PARD6B: variants seen among roughly 807,000 people sequenced by gnomAD.
PARD6B encodes partitioning defective 6 homolog beta.
In PARD6B, 4 loss-of-function variants were observed where a neutral mutation model predicts 10.5. That is an observed-to-expected ratio of 0.38 (90% CI 0.19 to 0.87). PARD6B has a LOEUF of 0.87. Ranked by LOEUF, PARD6B falls within the 40% of genes least tolerant of loss-of-function variation. The pLI is 0.41. For synonymous variants in PARD6B, 169 were observed against 170.4 expected, an observed-to-expected ratio of 0.99 and a Z score of 0.07; for missense variants, 396 against 470.6, an observed-to-expected ratio of 0.84 and a Z score of 1.47.
intron 1 of PARD6B, among the ~76,000 whole-genome samples, chr20:50,732,471 A>C (rs2087476993): frequency 6.6e-6 from 1 of 152,168 alleles, no homozygotes; most frequent in South Asian, 2.1e-4. Flanking sequence ...TACTCACATC[A>C]AGTGCTTTTC....
intron 2 of PARD6B, among the ~76,000 whole-genome samples, chr20:50,741,002 C>A (rs2087527288): frequency 1.3e-5 from 2 of 151,010 alleles, no homozygotes. Context: ...GCTCTGTCAC[C>A]CAGGCTGGAG....
At chr20:50,737,218 G>A (rs970996635) in intron 1 of PARD6B, among the ~76,000 whole-genome samples, 2 of 152,144 alleles carry the variant, frequency 1.3e-5, no homozygotes, top group Non-Finnish European at 2.9e-5. Context: ...GAGCAGGCTC[G>A]AGGCTTTCAA....
Position 50,749,896 on chromosome 20 carries a change from G to A in PARD6B, c.527G>A (p.Gly176Asp), listed in dbSNP as rs774737350. ...CCCCTAGGATTCTACATCCGGGATG[G>A]CTCCAGTGTCAGGGTAACACCACAT... The part of the protein sequence containing the change: ...EKPLGFYIRD[G>D]SSVRVTPHGL... Residue 176 changes from glycine (G) to aspartate (D), a missense_variant, in exon 3 of 3, where the codon GGC becomes GAC. By Grantham distance (94) the Gly-to-Asp change is moderately conservative. Coordinates refer to ENST00000371610, the MANE Select transcript of PARD6B (RefSeq NM_032521.3). 1 of 1,614,158 alleles carries A rather than the reference G, an allele frequency of 6.2e-7. No homozygotes were observed.
intron 1 of PARD6B, among the ~76,000 whole-genome samples, chr20:50,736,506 T>C (rs137957488): frequency 6.6e-6 from 1 of 152,354 alleles, no homozygotes; most frequent in African/African-American, 2.4e-5. Context: ...TTTAAAGTGC[T>C]GGTCTCCGCA....
At chr20:50,746,231 A>C (rs1170686955) in intron 2 of PARD6B, among the ~76,000 whole-genome samples, 1 of 152,188 alleles carries the variant, frequency 6.6e-6, no homozygotes, top group Non-Finnish European at 1.5e-5. Context: ...ATTAATGTTT[A>C]AAGAGTAAGA....
chr20:50,751,765 C>A lies in PARD6B; in HGVS notation c.*1277C>A. The A allele has an allele frequency of 1.0e-6, 1 of 976,736 alleles. No individual in the cohort carries two copies. The highest frequency in any genetic ancestry group is 1.2e-6 in the Non-Finnish European group (1 of 825,772). 60.5% of individuals were successfully genotyped at this position (976,736 alleles called of 1,614,324 possible). A position where few individuals can be genotyped will look rare whatever the true frequency, so the allele number is the denominator to read the frequency against. On this transcript the variant is annotated 3_prime_UTR_variant, in exon 3 of 3. Coordinates refer to ENST00000371610, the MANE Select transcript of PARD6B (RefSeq NM_032521.3). ...TGAGACAGAGTCTCTGTCACCCAGG[C>A]TGGAGTGCAGTGGTGCAATCTCAGC...
intron 2 of PARD6B, among the ~76,000 whole-genome samples, chr20:50,743,695 T>C (rs1460155575): frequency 2.6e-5 from 4 of 152,100 alleles, no homozygotes; most frequent in Non-Finnish European, 4.4e-5. Flanking sequence ...GAGACCATCC[T>C]GGCTAGCATG....
At position 50,744,653 on chromosome 20, in the gene PARD6B, C is replaced by T. The variant is rs548882087; in HGVS notation, c.290-5006C>T. 4.6e-5 allele frequency among the ~76,000 whole-genome samples: 7 copies of T among 152,086 alleles called. No individual in the cohort carries two copies. In the South Asian group the frequency reaches 1.5e-3, roughly 32 times the overall value. On this transcript the variant is annotated intron_variant, in intron 2 of 2. Coordinates refer to ENST00000371610, the MANE Select transcript of PARD6B (RefSeq NM_032521.3). Reference sequence around the variant, plus strand: ...CCTGACTCCCTCCCTCCCTCCCTCCCTCCTGCTTTTCACCCTCTGTTCTAG... The same window carrying T: ...CCTGACTCCCTCCCTCCCTCCCTCCTTCCTGCTTTTCACCCTCTGTTCTAG...
intron 1 of PARD6B, among the ~76,000 whole-genome samples, chr20:50,736,342 C>G (rs1173902007): frequency 6.6e-6 from 1 of 152,174 alleles, no homozygotes; most frequent in African/African-American, 2.4e-5. Flanking sequence ...AACAGTATTT[C>G]TCTTTTCCTT....
chr20:50,750,247 A>G lies in PARD6B; in HGVS notation c.878A>G (p.Glu293Gly). ...GAGCCAGAGGATGAAGACAGCGAAG[A>G]AGATGACATTATCATTGAAGACAAT... ...SFEPEDEDSE[E>G]DDIIIEDNGV... The change falls in exon 3 of 3, where the codon GAA becomes GGA. Residue 293 changes from glutamate to glycine, a missense_variant. By Grantham distance (98) the Glu-to-Gly change is moderately conservative. Transcript: ENST00000371610. 6.2e-7 allele frequency: 1 copy of G among 1,614,246 alleles called. No homozygotes were observed. The highest frequency in any genetic ancestry group is 1.1e-5 in the South Asian group (1 of 91,086).
Position 50,746,363 on chromosome 20 carries a change from C to T in PARD6B, c.290-3296C>T, listed in dbSNP as rs559838104. Among the ~76,000 whole-genome samples, 6 of 152,262 alleles carry T rather than the reference C, an allele frequency of 3.9e-5. No homozygotes were observed. In the East Asian group the frequency reaches 5.8e-4, roughly 15 times the overall value. On this transcript the variant is annotated intron_variant, in intron 2 of 2. Transcript: ENST00000371610. ...GTGGATCCTTGTCTGTTCAGTTAGCCGAGATCATTGGCTGAAGAAAAGGCT... is the reference window on the plus strand; with the variant it reads ...GTGGATCCTTGTCTGTTCAGTTAGCTGAGATCATTGGCTGAAGAAAAGGCT...
Position 50,752,515 on chromosome 20 carries a change from T to G in PARD6B, c.*2027T>G, listed in dbSNP as rs1005897997. 1.0e-6 allele frequency: 1 copy of G among 982,844 alleles called. No homozygotes were observed. Among genetic ancestry groups the G allele is most frequent in the African/African-American group, 1.8e-5 (1 of 56,234 alleles). The allele number at this position is 982,844 out of a possible 1,614,324, so 60.9% of individuals were successfully genotyped here. ...TAAGAGTAAGGCTGCTAACTTTAAT[T>G]CCTTGCCTGATTTTATTGTACAGTG... On this transcript the variant is annotated 3_prime_UTR_variant, in exon 3 of 3. Transcript: ENST00000371610.
chr20:50,739,758 G>A (rs2087520494), intron 2 of PARD6B, among the ~76,000 whole-genome samples: 1 of 151,748 alleles, frequency 6.6e-6, no homozygotes, highest in African/African-American at 2.4e-5. Context: ...ATGACCTTAG[G>A]AAGATTCAGT....
chr20:50,740,842 A>G (rs2087526387), intron 2 of PARD6B, among the ~76,000 whole-genome samples: 1 of 152,184 alleles, frequency 6.6e-6, no homozygotes, highest in South Asian at 2.1e-4. Flanking sequence ...CATTGCAACC[A>G]GAATAAAATC....
chr20:50,747,001 A>G (rs1174806237), intron 2 of PARD6B, among the ~76,000 whole-genome samples: 1 of 152,182 alleles, frequency 6.6e-6, no homozygotes, highest in Non-Finnish European at 1.5e-5. Flanking sequence ...TGTCTCTGTA[A>G]GAGCCCAATG....
chr20:50,745,356 G>A (rs532945144), intron 2 of PARD6B, among the ~76,000 whole-genome samples: 2 of 151,804 alleles, frequency 1.3e-5, no homozygotes, highest in East Asian at 1.9e-4. Context: ...CCCAGGAGGT[G>A]GAGGTTGCAG....
Position 50,750,521 on chromosome 20 carries a change from G to A in PARD6B, c.*33G>A, listed in dbSNP as rs201932178. On this transcript the variant is annotated 3_prime_UTR_variant, in exon 3 of 3. Transcript: ENST00000371610. ...GTTTGAATGTTTTCAGAGTGAGGAT[G>A]CCATGAGGACTTGTACATTTGGCTA... is the stretch of plus-strand genomic sequence containing the variant. 3 of 1,592,312 alleles carry A rather than the reference G, an allele frequency of 1.9e-6. No individual in the cohort carries two copies. The East Asian group carries it at 6.7e-5, about 36-fold the overall frequency.
Position 50,750,978 on chromosome 20 carries a change from T to TTTTTTTTTTTTTC in PARD6B, c.*498_*499insTTTTCTTTTTTTT, listed in dbSNP as rs1193080140. The TTTTTTTTTTTTTC allele has an allele frequency of 2.0e-6, 1 of 512,698 alleles. No homozygotes were observed. The highest frequency in any genetic ancestry group is 2.4e-6 in the Non-Finnish European group (1 of 420,236). The allele number at this position is 512,698 out of a possible 1,614,324, so 31.8% of individuals were successfully genotyped here. The stretch of plus-strand genomic sequence containing the variant: ...GATTTTTTTTTTTTTTTTTTTTTTT[T>TTTTTTTTTTTTTC]TTTTTTTTAGTGACTGGGTCTCACT... On this transcript the variant is annotated 3_prime_UTR_variant, in exon 3 of 3. Transcript: ENST00000371610.
At chr20:50,744,654 T>A (rs746750943) in intron 2 of PARD6B, among the ~76,000 whole-genome samples, 18 of 130,782 alleles carry the variant, frequency 1.4e-4, no homozygotes, top group Non-Finnish European at 2.3e-4. Flanking sequence ...CCTCCCTCCC[T>A]CCTGCTTTTC....
Sources: gnomAD v4.1 joint callset for allele counts (sites outside exome capture counted in the v4.1 genomes callset) on GRCh38, gnomAD v4.1.1 for gene constraint, MANE v1.5 for transcripts, NCBI Gene and HGNC (gene_info 2026-07-23, HGNC 2026-07-21) for gene names.